ESRRG: variants seen among roughly 807,000 people sequenced by gnomAD.
ESRRG encodes the protein estrogen related receptor gamma.
In ESRRG, 13 loss-of-function variants were observed where a neutral mutation model predicts 44.0. That is an observed-to-expected ratio of 0.30 (90% CI 0.19 to 0.47). The LOEUF is 0.47. ESRRG is among the 20% of genes least tolerant of loss of function. The pLI is 1.00. For synonymous variants in ESRRG, 215 were observed against 214.6 expected, an observed-to-expected ratio of 1.00 and a Z score of -0.02; for missense variants, 395 against 580.6, an observed-to-expected ratio of 0.68 and a Z score of 3.29.
intron 1 of ESRRG, among the ~76,000 whole-genome samples, chr1:216,948,057 A>G (rs2066345291): frequency 6.6e-6 from 1 of 152,142 alleles, no homozygotes; most frequent in Admixed American, 6.5e-5. Context: ...GACTCACCCC[A>G]ATCAGGAATA....
Position 217,053,465 on chromosome 1 carries a change from A to AAAAGAAAGAAAGAAAGAAAGAAAG in ESRRG, c.-106+36018_-106+36041dup, listed in dbSNP as rs3072270. Among the ~76,000 whole-genome samples, 572 of 145,610 alleles carry AAAAGAAAGAAAGAAAGAAAGAAAG rather than the reference A, an allele frequency of 3.9e-3. 6 individuals carry two copies. Among genetic ancestry groups the AAAAGAAAGAAAGAAAGAAAGAAAG allele is most frequent in the South Asian group, 0.011 (47 of 4,460 alleles). Reference sequence around the variant, plus strand: ...GTGAGATTCTGTCCCAAAGCCAAAAAAAAGAAAGAAAGAAAGAAAGAAAGA... The same window carrying AAAAGAAAGAAAGAAAGAAAGAAAG: ...GTGAGATTCTGTCCCAAAGCCAAAAAAAAGAAAGAAAGAAAGAAAGAAAGAAAGAAAGAAAGAAAGAAAGAAAGA... On this transcript the variant is annotated intron_variant, in intron 1 of 7. Coordinates refer to the ESRRG transcript ENST00000359162.
chr1:216,774,245 T>C lies in ESRRG; in HGVS notation c.-13-96754A>G, dbSNP rs149282428. Among the ~76,000 whole-genome samples the C allele has an allele frequency of 1.1e-3, 167 of 152,238 alleles. 1 individual carries two copies. The highest frequency in any genetic ancestry group is 0.01 in the Middle Eastern group (3 of 294). ...TAGCTCTCCCTGCCTCCTTACCTTC[T>C]GTAGAGGGAAGCCTGAGAAATCATT... is the stretch of plus-strand genomic sequence containing the variant. On this transcript the variant is annotated intron_variant, in intron 2 of 7. Transcript: ENST00000359162.
At chr1:216,659,974 C>A (rs960340176) in intron 2 of ESRRG, among the ~76,000 whole-genome samples, 1 of 152,142 alleles carries the variant, frequency 6.6e-6, no homozygotes, top group Non-Finnish European at 1.5e-5. Context: ...GTCTGTTATT[C>A]ATTCCCCCAT....
chr1:216,690,363 A>G (rs1449361888), intron 1 of ESRRG, among the ~76,000 whole-genome samples: 4 of 152,108 alleles, frequency 2.6e-5, no homozygotes, highest in Non-Finnish European at 5.9e-5. Context: ...CTAGATCTTA[A>G]AAACATCCTG....
intron 2 of ESRRG, among the ~76,000 whole-genome samples, chr1:216,937,073 A>G (rs1258953469): frequency 2.6e-5 from 4 of 152,078 alleles, no homozygotes; most frequent in Non-Finnish European, 4.4e-5. Context: ...TTTGCCCCCA[A>G]GAAAGAAAGA....
intron 2 of ESRRG, among the ~76,000 whole-genome samples, chr1:216,790,678 G>A (rs2094291909): frequency 6.6e-6 from 1 of 152,116 alleles, no homozygotes; most frequent in African/African-American, 2.4e-5. Flanking sequence ...TGGTAGAAGG[G>A]TAATAGGAAA....
At chr1:217,023,400 T>C (rs941332263) in intron 1 of ESRRG, among the ~76,000 whole-genome samples, 1 of 151,768 alleles carries the variant, frequency 6.6e-6, no homozygotes, top group African/African-American at 2.4e-5. Flanking sequence ...CCAGAGGGAG[T>C]TTCCTGGAGC....
chr1:216,586,381 T>C (rs1437618800), intron 3 of ESRRG, among the ~76,000 whole-genome samples: 1 of 152,186 alleles, frequency 6.6e-6, no homozygotes, highest in Non-Finnish European at 1.5e-5. Flanking sequence ...AAATAATAGT[T>C]AATGTTTTCT....
intron 2 of ESRRG, among the ~76,000 whole-genome samples, chr1:216,852,456 C>A (rs2095856573): frequency 6.6e-6 from 1 of 152,164 alleles, no homozygotes; most frequent in Non-Finnish European, 1.5e-5. Context: ...AAGTAGCTCA[C>A]TTATCTGTTA....
At chr1:216,944,653 G>C (rs2065784105) in intron 1 of ESRRG, among the ~76,000 whole-genome samples, 1 of 152,142 alleles carries the variant, frequency 6.6e-6, no homozygotes, top group African/African-American at 2.4e-5. Context: ...GGAAAGGGAA[G>C]TCCTGTAAGG....
chr1:217,133,530 T>G (rs2092994635), intron 1 of ESRRG, among the ~76,000 whole-genome samples: 1 of 152,230 alleles, frequency 6.6e-6, no homozygotes, highest in South Asian at 2.1e-4. Flanking sequence ...AACTAACTCC[T>G]TCACTCTTGA....
intron 2 of ESRRG, among the ~76,000 whole-genome samples, chr1:216,792,971 C>A (rs1559657198): frequency 6.6e-6 from 1 of 152,122 alleles, no homozygotes; most frequent in Non-Finnish European, 1.5e-5. Flanking sequence ...AAATCCCTTT[C>A]TTTGTAAAAT....
chr1:216,901,680 T>C (rs2059093305), intron 2 of ESRRG, among the ~76,000 whole-genome samples: 1 of 152,192 alleles, frequency 6.6e-6, no homozygotes, highest in Admixed American at 6.5e-5. Context: ...TTCTCCCATC[T>C]TTCTAATGTT....
chr1:216,881,537 G>A (rs1306565562), intron 2 of ESRRG, among the ~76,000 whole-genome samples: 1 of 151,970 alleles, frequency 6.6e-6, no homozygotes, highest in Non-Finnish European at 1.5e-5. Context: ...TACGAAAGGA[G>A]GAGTAAAGAA....
At position 216,506,494 on chromosome 1, in the gene ESRRG, G is replaced by GAA. The variant is rs763233614; in HGVS notation, c.*443_*444dup. The GAA allele has an allele frequency of 8.2e-6, 3 of 364,800 alleles. No individual in the cohort carries two copies. Among genetic ancestry groups the GAA allele is most frequent in the Non-Finnish European group, 1.6e-5 (3 of 188,552 alleles). 22.6% of individuals were successfully genotyped at this position (364,800 alleles called of 1,614,324 possible). A position where few individuals can be genotyped will look rare whatever the true frequency, so the allele number is the denominator to read the frequency against. ...AGGAAAGGGAAAAAGGAAAGAAAGG[G>GAA]AAAGGAAAGGGGGAAGGGAGGATTT... On this transcript the variant is annotated 3_prime_UTR_variant, in exon 7 of 7. Coordinates refer to ENST00000408911, the MANE Select transcript of ESRRG (RefSeq NM_001438.4).
In ESRRG at chr1:216,809,244, G is replaced by A. The variant is rs943515395; in HGVS notation, c.-14+130338C>T. 2.0e-5 allele frequency among the ~76,000 whole-genome samples: 3 copies of A among 150,532 alleles called. No homozygotes were observed. In the Admixed American group the frequency reaches 2.0e-4, roughly 10 times the overall value. ...AATTCTACTCCTTCCAAATGCACAA[G>A]GCTGTTTGGTGTTTTTATTGTTGTT... On this transcript the variant is annotated intron_variant, in intron 2 of 7. Transcript: ENST00000359162.
At chr1:216,743,556 A>T (rs2091014677) in intron 2 of ESRRG, among the ~76,000 whole-genome samples, 2 of 152,216 alleles carry the variant, frequency 1.3e-5, no homozygotes, top group Admixed American at 6.5e-5. Flanking sequence ...CCAGAAACAT[A>T]AATTAGAAAA....
chr1:216,550,801 T>C (rs879311082), intron 5 of ESRRG, among the ~76,000 whole-genome samples: 1 of 152,186 alleles, frequency 6.6e-6, no homozygotes, highest in Non-Finnish European at 1.5e-5. Context: ...AATAGGTCTC[T>C]GTTCATAAAG....
chr1:217,084,133 TA>T (rs34135419), intron 1 of ESRRG, among the ~76,000 whole-genome samples: 2,632 of 140,982 alleles, frequency 0.019, 64 homozygotes, highest in African/African-American at 0.063. Flanking sequence ...AAGAATGGAT[TA>T]AAAAAAAAAA....
Sources: allele counts gnomAD v4.1 joint callset (sites outside exome capture counted in the v4.1 genomes callset), GRCh38; gene constraint gnomAD v4.1.1; transcripts MANE v1.5; gene names NCBI Gene and HGNC (gene_info 2026-07-23, HGNC 2026-07-21).